Variants in SUSD4 observed in about 807,000 individuals in gnomAD.
SUSD4 encodes sushi domain containing 4, also known as sushi domain-containing protein 4.
A neutral mutation model predicts 50.5 loss-of-function variants in SUSD4; 41 were observed. The observed-to-expected ratio is 0.81, with a 90% CI of 0.63 to 1.05. The LOEUF is 1.05. Ranked by LOEUF, SUSD4 falls within the 50% of genes least tolerant of loss-of-function variation. The pLI is 0.00. For missense variants in SUSD4, 580 were observed against 634.7 expected (o/e 0.91, Z 0.93); for synonymous variants, 257 against 257.3 (o/e 1.00, Z 0.01).
At chr1:223,247,858 C>G (rs981297586) in intron 5 of SUSD4, among the ~76,000 whole-genome samples, 5 of 152,070 alleles carry the variant, frequency 3.3e-5, no homozygotes, top group Non-Finnish European at 7.4e-5. Flanking sequence ...TCAGGAGACC[C>G]CCTCCATCCC....
intron 5 of SUSD4, among the ~76,000 whole-genome samples, chr1:223,249,975 G>A (rs1661192483): frequency 6.6e-6 from 1 of 152,200 alleles, no homozygotes; most frequent in African/African-American, 2.4e-5. Context: ...AAGAAAATCA[G>A]TGGATTAATG....
chr1:223,271,032 T>G (rs1307846148), intron 3 of SUSD4, among the ~76,000 whole-genome samples: 1 of 151,940 alleles, frequency 6.6e-6, no homozygotes, highest in East Asian at 1.9e-4. Flanking sequence ...TTACGTTTTT[T>G]CAATCGCACT....
intron 2 of SUSD4, among the ~76,000 whole-genome samples, chr1:223,348,604 G>T (rs750669583): frequency 1.3e-5 from 2 of 152,170 alleles, no homozygotes; most frequent in African/African-American, 2.4e-5. Flanking sequence ...GGACAGCTCT[G>T]ATGCCTACCA....
At chr1:223,308,701 C>T (rs1665696763) in intron 2 of SUSD4, among the ~76,000 whole-genome samples, 1 of 152,072 alleles carries the variant, frequency 6.6e-6, no homozygotes, top group Non-Finnish European at 1.5e-5. Context: ...AAAATGTAAA[C>T]AACTGTGCCA....
chr1:223,303,610 A>C (rs1025047578), intron 2 of SUSD4, among the ~76,000 whole-genome samples: 1 of 152,236 alleles, frequency 6.6e-6, no homozygotes, highest in Non-Finnish European at 1.5e-5. Flanking sequence ...GTGGATCGGC[A>C]GGTCGAGAAA....
At chr1:223,287,948 AAAG>A (rs1351182710) in intron 3 of SUSD4, among the ~76,000 whole-genome samples, 8 of 152,188 alleles carry the variant, frequency 5.3e-5, no homozygotes, top group African/African-American at 1.9e-4. Flanking sequence ...GAGGAAACTC[AAAG>A]AAGAAAAGAG....
intron 3 of SUSD4, among the ~76,000 whole-genome samples, chr1:223,277,302 ATATT>A (rs1364612578): frequency 3.8e-5 from 2 of 53,248 alleles, no homozygotes; most frequent in Non-Finnish European, 6.8e-5. Flanking sequence ...TGAATGGATG[ATATT>A]TTTTTTTTTT....
intron 3 of SUSD4, among the ~76,000 whole-genome samples, chr1:223,279,926 A>G (rs1387906992): frequency 6.6e-6 from 1 of 152,216 alleles, no homozygotes; most frequent in Non-Finnish European, 1.5e-5. Context: ...AGTGGGGGCC[A>G]ATATTCAACA....
chr1:223,263,272 A>G (rs1662249231), intron 5 of SUSD4, among the ~76,000 whole-genome samples: 1 of 152,230 alleles, frequency 6.6e-6, no homozygotes, highest in South Asian at 2.1e-4. Flanking sequence ...CACTGGAAGC[A>G]AAAGAGATGA....
At chr1:223,257,735 A>C (rs1037913984) in intron 5 of SUSD4, among the ~76,000 whole-genome samples, 1 of 150,950 alleles carries the variant, frequency 6.6e-6, no homozygotes, top group Non-Finnish European at 1.5e-5. Flanking sequence ...ACCCGAGCTC[A>C]TGCTTTCTTA....
chr1:223,269,701 T>C (rs1214569207), intron 3 of SUSD4, among the ~76,000 whole-genome samples: 1 of 152,222 alleles, frequency 6.6e-6, no homozygotes, highest in Non-Finnish European at 1.5e-5. Flanking sequence ...ATTCTTAACT[T>C]TTTAAAACAA....
chr1:223,255,211 C>A (rs181790169), intron 5 of SUSD4, among the ~76,000 whole-genome samples: 24 of 152,194 alleles, frequency 1.6e-4, no homozygotes, highest in African/African-American at 5.5e-4. Context: ...TTTCCTAGGC[C>A]CAGGGAACAC....
intron 3 of SUSD4, among the ~76,000 whole-genome samples, chr1:223,285,052 T>A (rs941004734): frequency 1.3e-5 from 2 of 152,182 alleles, no homozygotes; most frequent in Non-Finnish European, 2.9e-5. Context: ...ATATTTGTGA[T>A]GATGGACATG....
chr1:223,269,714 C>A (rs1558199363), intron 3 of SUSD4, among the ~76,000 whole-genome samples: 1 of 152,144 alleles, frequency 6.6e-6, no homozygotes, highest in African/African-American at 2.4e-5. Context: ...TAAAACAAGG[C>A]AAAAACCAAG....
intron 3 of SUSD4, among the ~76,000 whole-genome samples, chr1:223,279,383 T>A (rs917861428): frequency 6.6e-6 from 1 of 152,218 alleles, no homozygotes; most frequent in South Asian, 2.1e-4. Flanking sequence ...TTAAATGACC[T>A]GATGTTGCTG....
At chr1:223,282,452 A>C (rs998841046) in intron 3 of SUSD4, among the ~76,000 whole-genome samples, 4 of 152,176 alleles carry the variant, frequency 2.6e-5, no homozygotes, top group Admixed American at 6.5e-5. Context: ...ATAACAGACA[A>C]ACAGAGAGCC....
upstream of SUSD4, among the ~76,000 whole-genome samples, chr1:223,364,563 CA>C (rs1669209247): frequency 4.7e-5 from 7 of 150,454 alleles, no homozygotes; most frequent in Admixed American, 4.6e-4. This position sits in a 1 kb window ranked among gnomAD's most constrained non-coding sequence, Gnocchi z 4.5. Flanking sequence ...CTTGCACACG[CA>C]CGCAGCTCGG....
At chr1:223,327,086 C>T (rs1666917282) in intron 2 of SUSD4, among the ~76,000 whole-genome samples, 1 of 152,102 alleles carries the variant, frequency 6.6e-6, no homozygotes. Flanking sequence ...AAATATGGAA[C>T]CAACCCAAGT....
intron 2 of SUSD4, among the ~76,000 whole-genome samples, chr1:223,354,614 C>T (rs534057270): frequency 6.6e-6 from 1 of 152,324 alleles, no homozygotes; most frequent in Non-Finnish European, 1.5e-5. Flanking sequence ...CCGAAACATA[C>T]AGATGAGCCC....
Sources: allele counts gnomAD v4.1 joint callset (sites outside exome capture counted in the v4.1 genomes callset), GRCh38; gene constraint gnomAD v4.1.1; non-coding constraint Gnocchi (gnomAD v3.1); transcripts MANE v1.5; gene names NCBI Gene and HGNC (gene_info 2026-07-23, HGNC 2026-07-21).